Variants in RMST observed in about 807,000 individuals in gnomAD.
RMST encodes rhabdomyosarcoma 2 associated transcript, also known as long intergenic non-protein coding RNA 54.
intron 5 of RMST, among the ~76,000 whole-genome samples, chr12:97,488,767 G>C (rs1354883467): frequency 2.0e-5 from 3 of 152,152 alleles, no homozygotes; most frequent in Admixed American, 1.3e-4. Context: ...CGTTTTCTTT[G>C]TATAGCACTT....
At chr12:97,552,441 C>T (rs372634572) in intron 11 of RMST, among the ~76,000 whole-genome samples, 7 of 152,192 alleles carry the variant, frequency 4.6e-5, no homozygotes, top group African/African-American at 1.7e-4. Context: ...CCTAGGATTC[C>T]TAGTTTACCT....
intron 10 of RMST, among the ~76,000 whole-genome samples, chr12:97,512,809 G>C (rs1168331126): frequency 6.6e-6 from 1 of 152,220 alleles, no homozygotes; most frequent in Non-Finnish European, 1.5e-5. Context: ...TTGGGTGGTC[G>C]ATGGGACTGG....
At chr12:97,514,343 AG>A (rs1726285657) in intron 10 of RMST, among the ~76,000 whole-genome samples, 3 of 152,254 alleles carry the variant, frequency 2.0e-5, no homozygotes, top group African/African-American at 4.8e-5. Flanking sequence ...AAAATTCTAT[AG>A]GAAATGACAA....
At chr12:97,464,852 A>T (rs147802875) in intron 4 of RMST, 2 of 152,210 alleles carry the variant, frequency 1.3e-5, no homozygotes, top group Non-Finnish European at 2.9e-5. Context: ...CGAGCAATTC[A>T]TCAGTTCTTA....
chr12:97,505,064 T>A (rs769102049), intron 10 of RMST, among the ~76,000 whole-genome samples: 9 of 152,252 alleles, frequency 5.9e-5, no homozygotes, highest in Non-Finnish European at 1.0e-4. Flanking sequence ...AAGATTTTAA[T>A]TGAAAAATAT....
chr12:97,512,842 G>C (rs1357733733), intron 10 of RMST, among the ~76,000 whole-genome samples: 2 of 152,222 alleles, frequency 1.3e-5, no homozygotes, highest in African/African-American at 2.4e-5. Flanking sequence ...AGGGGGCGGC[G>C]TGTCGGGGAG....
chr12:97,478,543 G>GTAC (rs1161396634), intron 5 of RMST, among the ~76,000 whole-genome samples: 1 of 152,164 alleles, frequency 6.6e-6, no homozygotes, highest in Non-Finnish European at 1.5e-5. Flanking sequence ...AACTTATGGT[G>GTAC]TACTGTCCCT....
At chr12:97,523,112 G>A (rs1017257107) in intron 10 of RMST, among the ~76,000 whole-genome samples, 9 of 152,128 alleles carry the variant, frequency 5.9e-5, no homozygotes, top group African/African-American at 1.7e-4. Flanking sequence ...AAAGAGACAC[G>A]AGCATTTAGT....
In RMST at chr12:97,531,254, G is replaced by A. The variant is rs180974997; in HGVS notation, n.1545+395G>A. Among the ~76,000 whole-genome samples, 919 of 151,426 alleles carry A rather than the reference G, an allele frequency of 6.1e-3. 7 individuals are homozygous for A. The highest frequency in any genetic ancestry group is 0.021 in the African/African-American group (869 of 41,344). ...ATTGTGTCAACTAGTTCTAGGAAAG[G>A]AAAAAAAAGCAAAGTGTAGTTATAG... On this transcript the variant is annotated intron_variant and non_coding_transcript_variant, in intron 11 of 13. Transcript: ENST00000640149.
intron 4 of RMST, among the ~76,000 whole-genome samples, chr12:97,465,319 T>C (rs940396610): frequency 6.6e-6 from 1 of 152,178 alleles, no homozygotes; most frequent in South Asian, 2.1e-4. Context: ...GTATCCAATA[T>C]TGGTGACTCC....
chr12:97,533,014 T>G (rs1425428030), intron 11 of RMST: 1 of 151,894 alleles, frequency 6.6e-6, no homozygotes, highest in Non-Finnish European at 1.5e-5. Context: ...CTTCCTATTT[T>G]AATTTTCATT....
chr12:97,483,170 G>C (rs1440975791), intron 5 of RMST, among the ~76,000 whole-genome samples: 1 of 152,056 alleles, frequency 6.6e-6, no homozygotes, highest in East Asian at 1.9e-4. Flanking sequence ...TCCCATATTA[G>C]TTGCACTAAT....
At chr12:97,501,564 C>T (rs1362241564) in intron 10 of RMST, among the ~76,000 whole-genome samples, 2 of 152,296 alleles carry the variant, frequency 1.3e-5, no homozygotes, top group Middle Eastern at 3.4e-3. Flanking sequence ...TTAAAACTTG[C>T]AGGATGACAA....
chr12:97,512,595 G>A (rs1367892289), intron 10 of RMST, among the ~76,000 whole-genome samples: 4 of 152,234 alleles, frequency 2.6e-5, no homozygotes, highest in Admixed American at 6.5e-5. Flanking sequence ...GCTAGGCACA[G>A]GGTGCTGATT....
At chr12:97,488,024 C>T (rs1876312210) in intron 5 of RMST, among the ~76,000 whole-genome samples, 1 of 152,214 alleles carries the variant, frequency 6.6e-6, no homozygotes. Flanking sequence ...CGGCAGAAGG[C>T]TGTCTCTGGG....
intron 11 of RMST, among the ~76,000 whole-genome samples, chr12:97,538,854 AAAAAT>A (rs570744073): frequency 3.2e-4 from 48 of 151,552 alleles, no homozygotes; most frequent in African/African-American, 1.1e-3. Context: ...GTCTCATACT[AAAAAT>A]AAAAAATTTG....
intron 10 of RMST, among the ~76,000 whole-genome samples, chr12:97,527,482 A>C (rs1881227496): frequency 6.6e-6 from 1 of 152,138 alleles, no homozygotes; most frequent in Non-Finnish European, 1.5e-5. Context: ...GGCCACAGGG[A>C]GCAGAAATCA....
intron 5 of RMST, among the ~76,000 whole-genome samples, chr12:97,478,452 G>T (rs1204329909): frequency 6.6e-6 from 1 of 152,186 alleles, no homozygotes; most frequent in Non-Finnish European, 1.5e-5. Flanking sequence ...TTGGAAAAAG[G>T]ACTTGTTTAA....
chr12:97,540,457 C>T (rs2136619119), intron 11 of RMST, among the ~76,000 whole-genome samples: 1 of 151,858 alleles, frequency 6.6e-6, no homozygotes, highest in African/African-American at 2.4e-5. Context: ...GAATGGAATT[C>T]ATTTGAACTT....
Sources: allele counts gnomAD v4.1 joint callset (sites outside exome capture counted in the v4.1 genomes callset), GRCh38; gene constraint gnomAD v4.1.1; transcripts MANE v1.5; gene names NCBI Gene and HGNC (gene_info 2026-07-23, HGNC 2026-07-21).